Variants in GRM7 observed in about 807,000 individuals in gnomAD.
GRM7 encodes the protein glutamate metabotropic receptor 7.
A neutral mutation model predicts 84.5 loss-of-function variants in GRM7; 35 were observed. That is an observed-to-expected ratio of 0.41 (90% CI 0.32 to 0.55). GRM7 has a LOEUF of 0.55. Ranked by LOEUF, GRM7 falls within the 20% of genes least tolerant of loss-of-function variation. The pLI is 0.19. For synonymous variants in GRM7, 487 were observed against 455.1 expected (o/e 1.07, Z -0.89); for missense variants, 1,003 against 1,194.6 (o/e 0.84, Z 2.36).
intron 9 of GRM7, among the ~76,000 whole-genome samples, chr3:7,726,913 T>C (rs1702152026): frequency 6.6e-6 from 1 of 151,878 alleles, no homozygotes; most frequent in Admixed American, 6.6e-5. Context: ...TTTTAATCTT[T>C]TTGTTTCTTC....
At chr3:7,527,699 T>C (rs180907838) in intron 7 of GRM7, among the ~76,000 whole-genome samples, 1 of 152,156 alleles carries the variant, frequency 6.6e-6, no homozygotes, top group Admixed American at 6.6e-5. Context: ...TGAGGAGTGT[T>C]CCTTTGATGC....
chr3:7,402,107 A>G (rs1575281754), intron 4 of GRM7, among the ~76,000 whole-genome samples: 2 of 152,154 alleles, frequency 1.3e-5, no homozygotes, highest in Non-Finnish European at 2.9e-5. Flanking sequence ...GAATTTTTCT[A>G]CTTCTCAGCC....
At chr3:7,055,483 G>C (rs1029351530) in intron 1 of GRM7, among the ~76,000 whole-genome samples, 5 of 148,578 alleles carry the variant, frequency 3.4e-5, no homozygotes, top group Non-Finnish European at 5.9e-5. Context: ...ATATCTGTGT[G>C]TGTGTGTGTG....
intron 8 of GRM7, among the ~76,000 whole-genome samples, chr3:7,618,587 C>G (rs931843422): frequency 2.6e-5 from 4 of 152,080 alleles, no homozygotes; most frequent in Non-Finnish European, 5.9e-5. Context: ...GGAACCCAAT[C>G]ATCACAAATT....
chr3:7,667,878 A>T (rs1432879295), intron 8 of GRM7, among the ~76,000 whole-genome samples: 1 of 143,732 alleles, frequency 7.0e-6, no homozygotes, highest in Non-Finnish European at 1.5e-5. Flanking sequence ...AAAAAAAAAA[A>T]CTTCAACGCC....
At chr3:7,639,456 C>G (rs1698263378) in intron 8 of GRM7, among the ~76,000 whole-genome samples, 1 of 152,168 alleles carries the variant, frequency 6.6e-6, no homozygotes, top group African/African-American at 2.4e-5. Context: ...CCTGAAAGTG[C>G]AAGGCTTACA....
chr3:7,356,582 C>T (rs1305025248), intron 4 of GRM7, among the ~76,000 whole-genome samples: 1 of 152,110 alleles, frequency 6.6e-6, no homozygotes, highest in Admixed American at 6.6e-5. Context: ...GGATTACAGG[C>T]ATAAGCCACC....
intron 2 of GRM7, among the ~76,000 whole-genome samples, chr3:7,183,817 C>T (rs1290673168): frequency 6.6e-6 from 1 of 152,006 alleles, no homozygotes; most frequent in Admixed American, 6.6e-5. Flanking sequence ...TACATGCACA[C>T]ACACACAGTA....
chr3:6,951,011 G>T (rs1167132521), intron 1 of GRM7, among the ~76,000 whole-genome samples: 2 of 152,200 alleles, frequency 1.3e-5, no homozygotes, highest in Non-Finnish European at 2.9e-5. Context: ...TCCCGGGTGA[G>T]GTGATGCCTC....
At chr3:7,613,848 C>T (rs1034375711) in intron 8 of GRM7, among the ~76,000 whole-genome samples, 1 of 152,092 alleles carries the variant, frequency 6.6e-6, no homozygotes, top group African/African-American at 2.4e-5. Flanking sequence ...GGAAACTCTG[C>T]GAAAACATTT....
chr3:7,465,168 C>A (rs1457909446), intron 7 of GRM7, among the ~76,000 whole-genome samples: 2 of 152,090 alleles, frequency 1.3e-5, no homozygotes, highest in African/African-American at 4.8e-5. Context: ...TGGGAGCATT[C>A]TTTATTCTAC....
intron 4 of GRM7, among the ~76,000 whole-genome samples, chr3:7,373,267 C>T (rs895657371): frequency 2.6e-5 from 4 of 152,140 alleles, no homozygotes; most frequent in South Asian, 2.1e-4. Flanking sequence ...ATAATCAGTA[C>T]CCAACAGTTG....
At chr3:7,050,592 G>C (rs1260535346) in intron 1 of GRM7, among the ~76,000 whole-genome samples, 3 of 151,804 alleles carry the variant, frequency 2.0e-5, no homozygotes, top group Non-Finnish European at 4.4e-5. Flanking sequence ...ATAAATCCAT[G>C]CATTTACTTT....
intron 1 of GRM7, among the ~76,000 whole-genome samples, chr3:7,124,046 C>T (rs1693314462): frequency 6.6e-6 from 1 of 152,084 alleles, no homozygotes; most frequent in Non-Finnish European, 1.5e-5. Context: ...TCTCTTTCTT[C>T]CCTTTCTTCA....
chr3:7,721,002 G>T (rs989813607), intron 9 of GRM7, among the ~76,000 whole-genome samples: 2 of 152,146 alleles, frequency 1.3e-5, no homozygotes, highest in South Asian at 4.1e-4. Flanking sequence ...TTGCTGGAAG[G>T]ATTAAAAGGG....
intron 2 of GRM7, among the ~76,000 whole-genome samples, chr3:7,255,979 G>A (rs1698181395): frequency 6.6e-6 from 1 of 152,108 alleles, no homozygotes; most frequent in Admixed American, 6.5e-5. Context: ...TAAAATACAT[G>A]CCTTTCACCA....
At chr3:7,139,988 A>G (rs1426743793) in intron 1 of GRM7, among the ~76,000 whole-genome samples, 2 of 152,062 alleles carry the variant, frequency 1.3e-5, no homozygotes, top group Non-Finnish European at 2.9e-5. Flanking sequence ...ACTCAATTAA[A>G]AAATGGGGAA....
chr3:7,719,541 G>C (rs770941567), intron 9 of GRM7, among the ~76,000 whole-genome samples: 50 of 152,086 alleles, frequency 3.3e-4, no homozygotes, highest in Middle Eastern at 3.4e-3. Flanking sequence ...AGCTGGGCGC[G>C]GTGGCTCATG....
chr3:7,479,392 A>T (rs1309283141), intron 7 of GRM7, among the ~76,000 whole-genome samples: 5 of 151,758 alleles, frequency 3.3e-5, no homozygotes, highest in Admixed American at 2.6e-4. Context: ...GCAAGAGACC[A>T]CTCTCAAGCA....
Sources: allele counts gnomAD v4.1 joint callset (sites outside exome capture counted in the v4.1 genomes callset), GRCh38; gene constraint gnomAD v4.1.1; transcripts MANE v1.5; gene names NCBI Gene and HGNC (gene_info 2026-07-23, HGNC 2026-07-21).